The following CEP295 variants were observed in gnomAD, a reference collection of about 807,000 sequenced individuals.
CEP295 encodes the protein centrosomal protein 295.
In CEP295, 190 loss-of-function variants were observed where a neutral mutation model predicts 291.6. The observed-to-expected ratio is 0.65, with a 90% confidence interval of 0.58 to 0.73. The LOEUF (loss-of-function observed/expected upper bound fraction) is 0.73. CEP295 is among the 30% of genes least tolerant of loss of function. The pLI is 0.00. For synonymous variants in CEP295, 993 were observed against 1,038.8 expected, an observed-to-expected ratio of 0.96 and a Z score of 0.85; for missense variants, 2,863 against 2,949.4, an observed-to-expected ratio of 0.97 and a Z score of 0.68.
At chr11:93,673,952 CTTTTT>C (rs747193330) in intron 5 of CEP295, among the ~76,000 whole-genome samples, 1 of 137,866 alleles carries the variant, frequency 7.3e-6, no homozygotes, top group Non-Finnish European at 1.6e-5. Flanking sequence ...ATCCCCCCTT[CTTTTT>C]TTTTTTTCTT....
chr11:93,683,954 C>A lies in CEP295; in HGVS notation c.950-10C>A, dbSNP rs761377596. The A allele has an allele frequency of 6.5e-7, 1 of 1,534,748 alleles. No individual in the cohort carries two copies. Among genetic ancestry groups the A allele is most frequent in the South Asian group, 1.2e-5 (1 of 81,336 alleles). On this transcript the variant is annotated splice_polypyrimidine_tract_variant and intron_variant, in intron 8 of 29. Coordinates refer to ENST00000325212, the MANE Select transcript of CEP295 (RefSeq NM_033395.2). ...GGAATGGAAACGTGTCTCTATTTTTCTTTTTTAAGAGGTGAAAGGGAATCT... is the reference window on the plus strand; with the variant it reads ...GGAATGGAAACGTGTCTCTATTTTTATTTTTTAAGAGGTGAAAGGGAATCT...
At position 93,697,276 on chromosome 11, in the gene CEP295, ACTGGTAC is replaced by A. The variant is rs1371883482; in HGVS notation, c.2367_2373del (p.Val790SerfsTer23). On this transcript the variant is annotated frameshift_variant, in exon 15 of 30. Coordinates refer to ENST00000325212, the MANE Select transcript of CEP295 (RefSeq NM_033395.2). LOFTEE classifies it high-confidence loss of function. ...TAACTGAACCTTCTTCATTTGTACCACTGGTACCTCAGCATTCTTTTAGTTCTCTGCC... is the reference window on the plus strand; with the variant it reads ...TAACTGAACCTTCTTCATTTGTACCACTCAGCATTCTTTTAGTTCTCTGCC... The A allele has an allele frequency of 3.2e-6, 5 of 1,551,648 alleles. No individual in the cohort carries two copies. In the African/African-American group the frequency reaches 4.1e-5, roughly 13 times the overall value.
Position 93,684,065 on chromosome 11 carries a change from A to G in CEP295, c.1051A>G (p.Asn351Asp). 2.6e-6 allele frequency: 4 copies of G among 1,551,690 alleles called. No homozygotes were observed. The highest frequency in any genetic ancestry group is 3.5e-6 in the Non-Finnish European group (4 of 1,146,990). Reference protein sequence around the residue: ...EELDLSMEQENLGAAEDLPVT... With the variant: ...EELDLSMEQEDLGAAEDLPVT... Reference sequence around the variant, plus strand: ...GCTGGACCTTTCAATGGAACAAGAAAATTTGGGTGCAGCTGAAGACCTTCC... The same window carrying G: ...GCTGGACCTTTCAATGGAACAAGAAGATTTGGGTGCAGCTGAAGACCTTCC... The change falls in exon 9 of 30, where the codon AAT (asparagine) becomes GAT (aspartate). Residue 351 changes from asparagine to aspartate, a missense_variant. Around this residue, in one of 3 missense-constraint regions of CEP295, gnomAD observed 554 missense variants for 576.0 expected, o/e 0.96. Transcript: ENST00000325212.
chr11:93,671,503 A>G (rs1035812256), intron 5 of CEP295, among the ~76,000 whole-genome samples: 2 of 151,988 alleles, frequency 1.3e-5, no homozygotes, highest in African/African-American at 4.8e-5. Context: ...GGCTTAATTT[A>G]CTCTGTCCCG....
intron 9 of CEP295, among the ~76,000 whole-genome samples, chr11:93,684,401 G>A (rs1401889498): frequency 6.6e-6 from 1 of 152,142 alleles, no homozygotes; most frequent in African/African-American, 2.4e-5. Flanking sequence ...CATTAGAAAG[G>A]TTGCATGGTA....
chr11:93,721,416 A>G lies in CEP295; in HGVS notation c.5850+4A>G, dbSNP rs750844243. 7 of 1,547,056 alleles carry G rather than the reference A, an allele frequency of 4.5e-6. No individual in the cohort carries two copies. The highest frequency in any genetic ancestry group is 6.3e-6 in the Non-Finnish European group (7 of 1,119,778). ...AACTGTGAAGCCAGATGATAAGGTT[A>G]GTAATGTCTTAATGTTCACTCGATT... On this transcript the variant is annotated splice_donor_region_variant and intron_variant, in intron 19 of 29. Coordinates refer to ENST00000325212, the MANE Select transcript of CEP295 (RefSeq NM_033395.2).
In CEP295 at chr11:93,725,782, C is replaced by G; in HGVS notation, c.6450C>G (p.Asn2150Lys). 1 of 1,551,684 alleles carries G rather than the reference C, an allele frequency of 6.4e-7. No individual in the cohort carries two copies. The highest frequency in any genetic ancestry group is 1.2e-5 in the South Asian group (1 of 84,048). Residue 2150 changes from asparagine (N) to lysine (K), a missense_variant, in exon 23 of 30, where the codon AAC becomes AAG. Coordinates refer to ENST00000325212, the MANE Select transcript of CEP295 (RefSeq NM_033395.2). ...GTCCGAATCAACAACCTGACACTAA[C>G]TTGGCTCATGTTGGAGCTCACAGTT... Reference protein sequence around the residue: ...NTSPNQQPDTNLAHVGAHSFA... With the variant: ...NTSPNQQPDTKLAHVGAHSFA...
intron 12 of CEP295, among the ~76,000 whole-genome samples, chr11:93,693,797 G>A (rs956243776): frequency 2.0e-5 from 3 of 152,152 alleles, no homozygotes; most frequent in African/African-American, 7.2e-5. Flanking sequence ...CTCATCAATA[G>A]TCTAGAACAG....
At chr11:93,700,284 T>C (rs1353021017) in intron 15 of CEP295, 98 bp downstream of exon 15, 1 of 1,089,292 alleles carries the variant, frequency 9.2e-7, no homozygotes, top group South Asian at 1.7e-5. Flanking sequence ...TGAGAAAAAG[T>C]AGTTTGACCT....
chr11:93,664,566 A>T (rs1016274353), intron 1 of CEP295, among the ~76,000 whole-genome samples: 2 of 152,212 alleles, frequency 1.3e-5, no homozygotes, highest in Admixed American at 1.3e-4. Context: ...GAAGGTTGTG[A>T]TGATTGTGTA....
intron 2 of CEP295, among the ~76,000 whole-genome samples, chr11:93,667,116 A>AT (rs1179731681): frequency 6.6e-6 from 1 of 152,240 alleles, no homozygotes; most frequent in East Asian, 1.9e-4. Flanking sequence ...AAGAATGCTA[A>AT]TTGGAAAGAT....
In CEP295 at chr11:93,699,932, T is replaced by A; in HGVS notation, c.5020T>A (p.Ser1674Thr). 1 of 1,551,768 alleles carries A rather than the reference T, an allele frequency of 6.4e-7. No homozygotes were observed. Residue 1674 changes from serine to threonine, a missense_variant, in exon 15 of 30, where the codon TCC (serine) becomes ACC (threonine). Physicochemically the swap from Ser to Thr is moderately conservative, Grantham distance 58. Coordinates refer to ENST00000325212, the MANE Select transcript of CEP295 (RefSeq NM_033395.2). The stretch of plus-strand genomic sequence containing the variant: ...TAAAAGCACTTGTGAATTGTATTCA[T>A]CCCAGAATGAACATGCAGCCCCCCC... ...KPKSTCELYS[S>T]QNEHAAPPSN...
chr11:93,665,776 T>C (rs1241483748), intron 1 of CEP295, among the ~76,000 whole-genome samples: 1 of 152,164 alleles, frequency 6.6e-6, no homozygotes, highest in Non-Finnish European at 1.5e-5. Flanking sequence ...CATATAAAAA[T>C]TACGTCACTA....
intron 9 of CEP295, among the ~76,000 whole-genome samples, 153 bp downstream of exon 9, chr11:93,684,281 T>G (rs893344766): frequency 1.3e-5 from 2 of 152,232 alleles, no homozygotes; most frequent in African/African-American, 4.8e-5. Context: ...CGTTTTTATA[T>G]TTCCATCATT....
Position 93,706,741 on chromosome 11 carries a change from C to T in CEP295, c.5597-4C>T, listed in dbSNP as rs1382645486. ...TTGAAGTGGAAATATTTTTTCCCCC[C>T]CAGGTAAACCAGGTATTTATGAAGA... On this transcript the variant is annotated splice_region_variant and splice_polypyrimidine_tract_variant and intron_variant, in intron 17 of 29. Transcript: ENST00000325212. The T allele has an allele frequency of 2.0e-6, 3 of 1,510,590 alleles. No homozygotes were observed. Among genetic ancestry groups the T allele is most frequent in the Admixed American group, 4.9e-5 (2 of 41,146 alleles). 93.6% of individuals were successfully genotyped at this position (1,510,590 alleles called of 1,614,324 possible).
rs1181273794 is a variant in CEP295, at chr11:93,699,468, T to C, written c.4556T>C (p.Ile1519Thr). 2 of 1,551,754 alleles carry C rather than the reference T, an allele frequency of 1.3e-6. No homozygotes were observed. The highest frequency in any genetic ancestry group is 2.4e-5 in the South Asian group (2 of 84,058). The change falls in exon 15 of 30, where the codon ATT (isoleucine) becomes ACT (threonine). Residue 1519 changes from isoleucine (I) to threonine (T), a missense_variant. Coordinates refer to ENST00000325212, the MANE Select transcript of CEP295 (RefSeq NM_033395.2). ...CAGTTAGATACACAGAAGAAAGCCA[T>C]TCGATCTATACAGGAAGTCCAAGAA... ...QQQLDTQKKA[I>T]RSIQEVQEEL...
intron 17 of CEP295, 59 bp downstream of exon 17, chr11:93,702,978 T>G (rs998443998): frequency 5.1e-6 from 7 of 1,378,644 alleles, no homozygotes; most frequent in Non-Finnish European, 6.9e-6. Flanking sequence ...TTCTACTTTT[T>G]TTTTAGATGG....
At chr11:93,681,896 T>C (rs1950993045) in intron 7 of CEP295, among the ~76,000 whole-genome samples, 1 of 151,560 alleles carries the variant, frequency 6.6e-6, no homozygotes, top group African/African-American at 2.4e-5. Flanking sequence ...ACACCTCTCC[T>C]GATCATCTGT....
At chr11:93,707,077 T>C (rs555921796) in intron 18 of CEP295, among the ~76,000 whole-genome samples, 180 bp downstream of exon 18, 26 of 152,368 alleles carry the variant, frequency 1.7e-4, no homozygotes, top group African/African-American at 5.5e-4. Context: ...GTAATTTTGC[T>C]TTTAAATTGT....
Sources: allele counts gnomAD v4.1 joint callset (sites outside exome capture counted in the v4.1 genomes callset), GRCh38; gene constraint gnomAD v4.1.1; regional missense constraint gnomAD v4.1.1; transcripts MANE v1.5; gene names NCBI Gene and HGNC (gene_info 2026-07-23, HGNC 2026-07-21).